CNTNAP2: variants seen among roughly 807,000 people sequenced by gnomAD.
CNTNAP2 encodes the protein contactin associated protein 2.
A neutral mutation model predicts 155.2 loss-of-function variants in CNTNAP2; 98 were observed. That is an observed-to-expected ratio of 0.63 (90% CI 0.54 to 0.75). The LOEUF (loss-of-function observed/expected upper bound fraction) is 0.75, where lower values mean the gene tolerates loss of function less well. Ranked by LOEUF, CNTNAP2 falls within the 30% of genes least tolerant of loss-of-function variation. The pLI, the probability that CNTNAP2 is intolerant of heterozygous loss-of-function variation, is 0.00. For missense variants in CNTNAP2, 1,727 were observed against 1,688.1 expected, an observed-to-expected ratio of 1.02 and a Z score of -0.40; for synonymous variants, 651 against 631.2, an observed-to-expected ratio of 1.03 and a Z score of -0.47.
chr7:147,522,286 C>T (rs1799241879), intron 11 of CNTNAP2, among the ~76,000 whole-genome samples: 1 of 152,176 alleles, frequency 6.6e-6, no homozygotes. Flanking sequence ...CATATACTTA[C>T]TGGTTTTTTA....
intron 8 of CNTNAP2, among the ~76,000 whole-genome samples, chr7:147,168,482 A>G (rs1802165633): frequency 6.6e-6 from 1 of 152,102 alleles, no homozygotes; most frequent in African/African-American, 2.4e-5. Flanking sequence ...GAATATAAAT[A>G]TTTATAATCT....
At chr7:146,995,992 C>T (rs1468328121) in intron 3 of CNTNAP2, among the ~76,000 whole-genome samples, 3 of 151,730 alleles carry the variant, frequency 2.0e-5, no homozygotes, top group Admixed American at 6.6e-5. Flanking sequence ...GGAGTTTTCT[C>T]CTGTTTTGTT....
At chr7:147,816,530 A>T (rs1246432647) in intron 13 of CNTNAP2, among the ~76,000 whole-genome samples, 1 of 152,196 alleles carries the variant, frequency 6.6e-6, no homozygotes, top group Non-Finnish European at 1.5e-5. Context: ...ATCTTGAGCT[A>T]GAATTTTAAA....
chr7:147,711,565 G>A (rs956283842), intron 13 of CNTNAP2, among the ~76,000 whole-genome samples: 1 of 152,178 alleles, frequency 6.6e-6, no homozygotes, highest in Admixed American at 6.5e-5. Flanking sequence ...AACGATGGGA[G>A]CATGTGGCAA....
intron 3 of CNTNAP2, among the ~76,000 whole-genome samples, chr7:147,009,115 C>G (rs943009048): frequency 1.4e-4 from 22 of 151,970 alleles, no homozygotes; most frequent in Admixed American, 1.3e-3. Flanking sequence ...ATAGAAAACA[C>G]AAACACATAC....
Position 146,982,805 on chromosome 7 carries a change from C to T in CNTNAP2, c.403-61102C>T, listed in dbSNP as rs114094486. Among the ~76,000 whole-genome samples the T allele has an allele frequency of 1.6e-3, 239 of 152,268 alleles. 1 individual carries two copies. Among genetic ancestry groups the T allele is most frequent in the African/African-American group, 5.5e-3 (228 of 41,566 alleles). On this transcript the variant is annotated intron_variant, in intron 3 of 23. Transcript: ENST00000361727. ...GTCAAAAGGTCCAGAGAAGAAAAGA[C>T]AGCTCTACTTTTGCATTTGGATTAA...
intron 3 of CNTNAP2, among the ~76,000 whole-genome samples, chr7:146,913,666 C>G (rs1182068531): frequency 6.6e-6 from 1 of 152,004 alleles, no homozygotes; most frequent in East Asian, 1.9e-4. Context: ...TGTGAAGGCT[C>G]TACCCCCATG....
chr7:148,155,327 G>C (rs1805377783), intron 17 of CNTNAP2, among the ~76,000 whole-genome samples: 1 of 152,206 alleles, frequency 6.6e-6, no homozygotes, highest in African/African-American at 2.4e-5. Flanking sequence ...ATTCAGGGCT[G>C]TTGCGACAGG....
chr7:146,219,084 G>T (rs981625422), intron 1 of CNTNAP2, among the ~76,000 whole-genome samples: 31 of 152,134 alleles, frequency 2.0e-4, no homozygotes, highest in East Asian at 1.9e-4. Flanking sequence ...GACCTTCTTC[G>T]CAGGGTGACA....
intron 14 of CNTNAP2, among the ~76,000 whole-genome samples, chr7:147,908,727 T>G (rs1800010601): frequency 6.6e-6 from 1 of 152,218 alleles, no homozygotes; most frequent in Non-Finnish European, 1.5e-5. Context: ...CCACGTTTGT[T>G]GTAATGTCAG....
intron 3 of CNTNAP2, among the ~76,000 whole-genome samples, chr7:146,976,654 A>G (rs1797917483): frequency 6.6e-6 from 1 of 152,152 alleles, no homozygotes. Flanking sequence ...AGGAACCTCC[A>G]TGTGTTCAGC....
intron 1 of CNTNAP2, among the ~76,000 whole-genome samples, chr7:146,727,881 A>G (rs1801458221): frequency 6.6e-6 from 1 of 152,136 alleles, no homozygotes; most frequent in Non-Finnish European, 1.5e-5. Flanking sequence ...TTCCCCCTAG[A>G]TGTCCATTGA....
intron 1 of CNTNAP2, among the ~76,000 whole-genome samples, chr7:146,707,533 CT>C (rs1800987411): frequency 6.6e-6 from 1 of 151,846 alleles, no homozygotes; most frequent in African/African-American, 2.4e-5. Flanking sequence ...TGCCACAGCT[CT>C]TCTTCATTCA....
intron 12 of CNTNAP2, among the ~76,000 whole-genome samples, chr7:147,596,967 T>C (rs2116853302): frequency 6.6e-6 from 1 of 151,320 alleles, no homozygotes; most frequent in South Asian, 2.1e-4. Flanking sequence ...AGTTACCCTA[T>C]ATGGTCTAAA....
At chr7:146,548,154 T>C (rs1193415579) in intron 1 of CNTNAP2, among the ~76,000 whole-genome samples, 1 of 151,990 alleles carries the variant, frequency 6.6e-6, no homozygotes, top group Non-Finnish European at 1.5e-5. Flanking sequence ...TGTGTGTTAT[T>C]TCCCTCTATG....
intron 15 of CNTNAP2, among the ~76,000 whole-genome samples, chr7:148,010,718 C>T (rs36064208): frequency 0.04 from 6,030 of 151,460 alleles, 250 homozygotes; most frequent in East Asian, 0.24. Context: ...CACAGCAAAA[C>T]TGAATAGAAA....
chr7:146,833,253 C>T, intron 2 of CNTNAP2, among the ~76,000 whole-genome samples: 1 of 152,120 alleles, frequency 6.6e-6, no homozygotes, highest in East Asian at 1.9e-4. Flanking sequence ...ACTTATGGAA[C>T]TAATTGGTGT....
intron 1 of CNTNAP2, among the ~76,000 whole-genome samples, chr7:146,303,165 T>C (rs1205783181): frequency 6.7e-6 from 1 of 149,542 alleles, no homozygotes; most frequent in East Asian, 2.0e-4. Flanking sequence ...CACAAAGGGA[T>C]TGAGAAAATC....
At chr7:146,704,338 A>G (rs1277750937) in intron 1 of CNTNAP2, among the ~76,000 whole-genome samples, 1 of 152,134 alleles carries the variant, frequency 6.6e-6, no homozygotes, top group Non-Finnish European at 1.5e-5. Context: ...GAGAAGGAGA[A>G]TAAGAGAAAG....
Sources: allele counts gnomAD v4.1 joint callset (sites outside exome capture counted in the v4.1 genomes callset), GRCh38; gene constraint gnomAD v4.1.1; transcripts MANE v1.5; gene names NCBI Gene and HGNC (gene_info 2026-07-23, HGNC 2026-07-21).